DIP2A: variants seen among roughly 807,000 people sequenced by gnomAD.
The protein encoded by DIP2A is DIP2 acetate--CoA ligase A, also known as disco-interacting protein 2 homolog A.
In DIP2A, 85 loss-of-function variants were observed where a neutral mutation model predicts 177.4. The ratio of observed to expected loss-of-function variants is 0.48; its 90% confidence interval spans 0.40 to 0.57. The LOEUF (loss-of-function observed/expected upper bound fraction) is 0.57, where lower values mean the gene tolerates loss of function less well. Ranked by LOEUF, DIP2A falls within the 20% of genes least tolerant of loss-of-function variation. The pLI is 0.00. For synonymous variants in DIP2A, 886 were observed against 881.8 expected (o/e 1.00, Z -0.08); for missense variants, 1,791 against 2,100.2 (o/e 0.85, Z 2.88).
rs1019915300 is a variant in DIP2A at position 46,556,693 on chromosome 21, A to G, written c.3499-246A>G. On this transcript the variant is annotated intron_variant, in intron 29 of 37. Transcript: ENST00000417564. The surrounding 1 kb of genome is among the most constrained non-coding windows in gnomAD (Gnocchi z 4.5). ...GCAAGACTCTGCCTCAAAAAAAAAA[A>G]AAAGAAAAAAATTTTAAAAATTCAT... is the stretch of plus-strand genomic sequence containing the variant. 11 of 472,936 alleles carry G rather than the reference A, an allele frequency of 2.3e-5. No individual in the cohort carries two copies. Among genetic ancestry groups the G allele is most frequent in the East Asian group, 1.8e-4 (5 of 27,552 alleles). 29.3% of individuals were successfully genotyped at this position (472,936 alleles called of 1,614,324 possible).
intron 1 of DIP2A, among the ~76,000 whole-genome samples, chr21:46,474,811 A>G (rs17300762): frequency 0.047 from 7,211 of 152,182 alleles, 224 homozygotes; most frequent in Non-Finnish European, 0.064. Context: ...AGGAATTCAT[A>G]GTCTAGGTTC....
chr21:46,501,141 A>G (rs1021775182), intron 5 of DIP2A, among the ~76,000 whole-genome samples: 3 of 152,232 alleles, frequency 2.0e-5, no homozygotes, highest in African/African-American at 7.2e-5. Flanking sequence ...AGTTTCTAAC[A>G]CTAGATGTGT....
Position 46,534,073 on chromosome 21 carries a change from C to G in DIP2A, c.1499C>G (p.Pro500Arg), listed in dbSNP as rs1426538022. The G allele has an allele frequency of 6.2e-7, 1 of 1,613,784 alleles. No individual in the cohort carries two copies. The highest frequency in any genetic ancestry group is 8.5e-7 in the Non-Finnish European group (1 of 1,179,866). Residue 500 changes from proline (P) to arginine (R), a missense_variant, in exon 12 of 38, where the codon CCT (proline) becomes CGT (arginine). Pro to Arg is a moderately radical substitution (Grantham distance 103). Coordinates refer to ENST00000417564, the MANE Select transcript of DIP2A (RefSeq NM_015151.4). The part of the protein sequence containing the change: ...HLAKPPKDWH[P>R]LAQDTGTGTA... ...GCCAAGCCCCCAAAGGACTGGCACC[C>G]TCTGGCCCAGGACACAGGGACTGGG...
rs1445427171 is a variant in DIP2A at position 46,529,188 on chromosome 21, G to C, written c.1194+5G>C. The C allele has an allele frequency of 2.0e-6, 3 of 1,490,380 alleles. No individual in the cohort carries two copies. The highest frequency in any genetic ancestry group is 2.7e-6 in the Non-Finnish European group (3 of 1,103,060). 92.3% of individuals were successfully genotyped at this position (1,490,380 alleles called of 1,614,324 possible). On this transcript the variant is annotated splice_donor_5th_base_variant and intron_variant, in intron 9 of 37. Transcript: ENST00000417564. The stretch of plus-strand genomic sequence containing the variant: ...CTACTTAAACCTGGAGACAGAGTAA[G>C]TAACTAGAATGTCACTTTGTTGGAA...
intron 21 of DIP2A, among the ~76,000 whole-genome samples, chr21:46,547,835 A>AT (rs1441742071): frequency 6.6e-6 from 1 of 151,314 alleles, no homozygotes; most frequent in Non-Finnish European, 1.5e-5. Context: ...CGCCTGGCTA[A>AT]TTTTTTAATT....
At position 46,464,817 on chromosome 21, in the gene DIP2A, C is replaced by CTTTTTTTTTTTTTTTTT. The variant is rs1168153777; in HGVS notation, c.91+5606_91+5622dup. Among the ~76,000 whole-genome samples the CTTTTTTTTTTTTTTTTT allele has an allele frequency of 7.2e-3, 530 of 73,402 alleles. 82 individuals are homozygous for CTTTTTTTTTTTTTTTTT. The highest frequency in any genetic ancestry group is 0.01 in the Non-Finnish European group (415 of 40,342). The allele number at this position is 73,402 out of a possible 152,430, so 48.2% of individuals were successfully genotyped here. On this transcript the variant is annotated intron_variant, in intron 1 of 37. Transcript: ENST00000417564. ...TCTTCCTTTTTCTTAATATTCATGT[C>CTTTTTTTTTTTTTTTTT]TTTTTTTTTTTTTTTTTTTTTTTTT...
chr21:46,565,381 T>C (rs1191997811), intron 35 of DIP2A, among the ~76,000 whole-genome samples: 2 of 152,210 alleles, frequency 1.3e-5, no homozygotes, highest in East Asian at 1.9e-4. Flanking sequence ...TTGTGGAATG[T>C]GGGTTGCTCC....
At chr21:46,565,580 A>G in intron 35 of DIP2A, 133 bp from the exon 36 acceptor site, 6 of 895,806 alleles carry the variant, frequency 6.7e-6, no homozygotes, top group Non-Finnish European at 1.0e-5. Flanking sequence ...AAAATAAGAG[A>G]CAATGAATAT....
intron 25 of DIP2A, chr21:46,553,299 C>G (rs1317984520): frequency 6.6e-6 from 1 of 152,224 alleles, no homozygotes; most frequent in Non-Finnish European, 1.5e-5. Context: ...TAGAAGCCAC[C>G]AATCGAGAAA....
At position 46,535,182 on chromosome 21, in the gene DIP2A, T is replaced by C. The variant is rs146076255; in HGVS notation, c.1642+495T>C. Among the ~76,000 whole-genome samples the C allele has an allele frequency of 6.4e-3, 970 of 152,328 alleles. 11 individuals carry two copies. Among genetic ancestry groups the C allele is most frequent in the African/African-American group, 0.022 (929 of 41,570 alleles). On this transcript the variant is annotated intron_variant, in intron 13 of 37. Coordinates refer to ENST00000417564, the MANE Select transcript of DIP2A (RefSeq NM_015151.4). ...AAATATATAAGTAGAATCTTTATGG[T>C]TATAGATGATCTGTTGATAAAGTAT...
At chr21:46,504,212 C>A in intron 5 of DIP2A, 149 bp from the exon 6 acceptor site, 2 of 1,107,716 alleles carry the variant, frequency 1.8e-6, no homozygotes, top group Non-Finnish European at 2.6e-6. Flanking sequence ...TGCCTTTGGT[C>A]AGCCAAGAAA....
At chr21:46,566,797 C>G in intron 37 of DIP2A, 114 bp downstream of exon 37, 1 of 1,370,044 alleles carries the variant, frequency 7.3e-7, no homozygotes, top group Non-Finnish European at 1.0e-6. Flanking sequence ...GGGCACAGGC[C>G]TCCTGCATTG....
intron 1 of DIP2A, among the ~76,000 whole-genome samples, chr21:46,477,388 G>A (rs866309225): frequency 9.9e-5 from 15 of 151,516 alleles, no homozygotes; most frequent in Non-Finnish European, 1.8e-4. Context: ...TTAACGGGGC[G>A]TGGTGGCAGG....
chr21:46,561,828 C>T, intron 34 of DIP2A, 23 bp downstream of exon 34: 1 of 1,613,294 alleles, frequency 6.2e-7, no homozygotes, highest in African/African-American at 1.3e-5. Flanking sequence ...AAGACGCGTG[C>T]ATTCTGAGTC....
In DIP2A at chr21:46,556,435, G is replaced by C; in HGVS notation, c.3498+344G>C. 1 of 1,293,010 alleles carries C rather than the reference G, an allele frequency of 7.7e-7. No individual in the cohort carries two copies. Among genetic ancestry groups the C allele is most frequent in the Non-Finnish European group, 1.0e-6 (1 of 975,638 alleles). 80.1% of individuals were successfully genotyped at this position (1,293,010 alleles called of 1,614,324 possible). A position where few individuals can be genotyped will look rare whatever the true frequency, so the allele number is the denominator to read the frequency against. On this transcript the variant is annotated intron_variant, in intron 29 of 37. Transcript: ENST00000417564. This position sits in a 1 kb window ranked among gnomAD's most constrained non-coding sequence, Gnocchi z 4.5. ...GTGGTGGCTCACGCCTGTAATCCCA[G>C]CACTTCGGGAGGCCGAGGCGGGTGG... is the stretch of plus-strand genomic sequence containing the variant.
Position 46,459,109 on chromosome 21 carries a change from C to T in DIP2A, c.-23C>T. Reference sequence around the variant, plus strand: ...AGGCCCGGTCCGGTTCCAGCCTCTGCCCGGACGCTAGCCGGCCTGGCCATG... The same window carrying T: ...AGGCCCGGTCCGGTTCCAGCCTCTGTCCGGACGCTAGCCGGCCTGGCCATG... On this transcript the variant is annotated 5_prime_UTR_variant, in exon 1 of 38. Transcript: ENST00000417564. 6.8e-7 allele frequency: 1 copy of T among 1,471,098 alleles called. No homozygotes were observed. The highest frequency in any genetic ancestry group is 1.4e-5 in the South Asian group (1 of 73,998). The allele number at this position is 1,471,098 out of a possible 1,614,324, so 91.1% of individuals were successfully genotyped here.
intron 5 of DIP2A, among the ~76,000 whole-genome samples, chr21:46,502,254 G>A (rs538970559): frequency 6.6e-6 from 1 of 151,914 alleles, no homozygotes; most frequent in East Asian, 1.9e-4. Flanking sequence ...TTTCACCTCA[G>A]CCTCCTAAGT....
chr21:46,531,673 TATA>T (rs1358727744), intron 9 of DIP2A, among the ~76,000 whole-genome samples: 1 of 152,224 alleles, frequency 6.6e-6, no homozygotes, highest in Non-Finnish European at 1.5e-5. Context: ...TTCTGCCTCC[TATA>T]ATATTACACT....
intron 21 of DIP2A, among the ~76,000 whole-genome samples, chr21:46,548,181 C>CGTGTGTGTGTGTGT (rs151337762): frequency 6.8e-6 from 1 of 147,586 alleles, no homozygotes; most frequent in Non-Finnish European, 1.5e-5. Context: ...TGCATGTGTG[C>CGTGTGTGTGTGTGT]GTGTGTGTGT....
Sources: allele counts gnomAD v4.1 joint callset (sites outside exome capture counted in the v4.1 genomes callset), GRCh38; gene constraint gnomAD v4.1.1; non-coding constraint Gnocchi (gnomAD v3.1); transcripts MANE v1.5; gene names NCBI Gene and HGNC (gene_info 2026-07-23, HGNC 2026-07-21).